Variants in RALGPS2 observed in about 807,000 individuals in gnomAD.
RALGPS2 encodes the protein Ral GEF with PH domain and SH3 binding motif 2.
A neutral mutation model predicts 86.8 loss-of-function variants in RALGPS2; 43 were observed. That is an observed-to-expected ratio of 0.50 (90% CI 0.39 to 0.64). The LOEUF (loss-of-function observed/expected upper bound fraction) is 0.64, where lower values mean the gene tolerates loss of function less well. Ranked by LOEUF, RALGPS2 falls within the 30% of genes least tolerant of loss-of-function variation. RALGPS2 has a pLI of 0.00. For missense variants in RALGPS2, 536 were observed against 694.6 expected (o/e 0.77, Z 2.57); for synonymous variants, 243 against 231.3 (o/e 1.05, Z -0.46).
intron 13 of RALGPS2, among the ~76,000 whole-genome samples, 181 bp downstream of exon 13, chr1:178,886,301 ACTC>A (rs1193540879): frequency 6.6e-6 from 1 of 152,226 alleles, no homozygotes; most frequent in Non-Finnish European, 1.5e-5. Flanking sequence ...GCTGTTTTTA[ACTC>A]CAGAAGGGGA....
At chr1:178,828,269 T>G (rs940801591) in intron 7 of RALGPS2, among the ~76,000 whole-genome samples, 1 of 152,244 alleles carries the variant, frequency 6.6e-6, no homozygotes, top group Non-Finnish European at 1.5e-5. Context: ...GAGAAATGTG[T>G]TGTTTGGTGA....
At chr1:178,902,585 A>C (rs1284981988) in intron 18 of RALGPS2, among the ~76,000 whole-genome samples, 1 of 152,106 alleles carries the variant, frequency 6.6e-6, no homozygotes, top group Non-Finnish European at 1.5e-5. Context: ...CTTGCCATAT[A>C]GGCCATACTG....
Position 178,885,741 on chromosome 1 carries a change from C to T in RALGPS2, c.1041-228C>T, listed in dbSNP as rs745975834. 5.5e-5 allele frequency: 18 copies of T among 328,278 alleles called. No homozygotes were observed. In the South Asian group the frequency reaches 6.9e-4, roughly 13 times the overall value. 20.3% of individuals were successfully genotyped at this position (328,278 alleles called of 1,614,324 possible). Reference sequence around the variant, plus strand: ...GTGAATGTGGAAACAATTTTTTAAACGGACACGAGGCTTAAAATGAAATTA... The same window carrying T: ...GTGAATGTGGAAACAATTTTTTAAATGGACACGAGGCTTAAAATGAAATTA... On this transcript the variant is annotated intron_variant, in intron 12 of 19. Transcript: ENST00000367635.
chr1:178,787,949 A>G (rs955781039), intron 4 of RALGPS2, among the ~76,000 whole-genome samples: 3 of 152,176 alleles, frequency 2.0e-5, no homozygotes, highest in African/African-American at 7.2e-5. Flanking sequence ...TGCTTAAAAC[A>G]CTTCATTGGC....
chr1:178,860,264 T>TTATTA (rs528628974), intron 8 of RALGPS2, among the ~76,000 whole-genome samples: 3,261 of 152,262 alleles, frequency 0.021, 39 homozygotes, highest in Middle Eastern at 0.041. Flanking sequence ...TTGCAGCTTG[T>TTATTA]CAGGTGTATT....
At position 178,856,202 on chromosome 1, in the gene RALGPS2, G is replaced by GAGAGATATATATATAT. The variant is rs1428022812; in HGVS notation, c.608-21295_608-21294insGAGATATATATATATA. Among the ~76,000 whole-genome samples the GAGAGATATATATATAT allele has an allele frequency of 1.1e-3, 91 of 83,868 alleles. 1 individual carries two copies. Among genetic ancestry groups the GAGAGATATATATATAT allele is most frequent in the Middle Eastern group, 5.7e-3 (1 of 174 alleles). The allele number at this position is 83,868 out of a possible 152,430, so 55.0% of individuals were successfully genotyped here. ...ACCTGTACTTTTCCAGAGAGAGAGA[G>GAGAGATATATATATAT]ATATATATATATATATATATATATA... On this transcript the variant is annotated intron_variant, in intron 8 of 19. Coordinates refer to ENST00000367635, the MANE Select transcript of RALGPS2 (RefSeq NM_152663.5).
chr1:178,759,886 T>C (rs1328715818), intron 1 of RALGPS2, among the ~76,000 whole-genome samples: 1 of 152,332 alleles, frequency 6.6e-6, no homozygotes, highest in African/African-American at 2.4e-5. Flanking sequence ...TTTTTCAGAT[T>C]GTTCACTGTT....
At position 178,752,317 on chromosome 1, in the gene RALGPS2, A is replaced by ATT. The variant is rs562112755; in HGVS notation, c.-83-24353_-83-24352dup. 5.0e-3 allele frequency among the ~76,000 whole-genome samples: 691 copies of ATT among 137,190 alleles called. 6 individuals are homozygous for ATT. Among genetic ancestry groups the ATT allele is most frequent in the African/African-American group, 0.018 (598 of 33,016 alleles). 90.0% of individuals were successfully genotyped at this position (137,190 alleles called of 152,430 possible). A position where few individuals can be genotyped will look rare whatever the true frequency, so the allele number is the denominator to read the frequency against. On this transcript the variant is annotated intron_variant, in intron 1 of 19. Coordinates refer to ENST00000367635, the MANE Select transcript of RALGPS2 (RefSeq NM_152663.5). ...AACCACCATGCCCAGCTAATTTTTA[A>ATT]TTTTTTTTTTTTTGTAGAGATTGGT... is the stretch of plus-strand genomic sequence containing the variant.
chr1:178,792,502 C>G (rs1654002796), intron 4 of RALGPS2, among the ~76,000 whole-genome samples: 1 of 152,154 alleles, frequency 6.6e-6, no homozygotes, highest in Non-Finnish European at 1.5e-5. Flanking sequence ...AGCTCATTGG[C>G]TCTAGAAATA....
intron 6 of RALGPS2, among the ~76,000 whole-genome samples, chr1:178,813,452 C>T (rs1254432120): frequency 6.6e-6 from 1 of 152,148 alleles, no homozygotes; most frequent in African/African-American, 2.4e-5. Flanking sequence ...GCTCTAAACT[C>T]ATAATTGTTT....
intron 4 of RALGPS2, among the ~76,000 whole-genome samples, chr1:178,788,972 T>C (rs895535613): frequency 6.6e-6 from 1 of 151,572 alleles, no homozygotes; most frequent in Non-Finnish European, 1.5e-5. Flanking sequence ...AGTGGTGTGA[T>C]CTCAACTTAC....
At chr1:178,870,302 A>C (rs982886384) in intron 8 of RALGPS2, among the ~76,000 whole-genome samples, 1 of 152,198 alleles carries the variant, frequency 6.6e-6, no homozygotes, top group Non-Finnish European at 1.5e-5. Flanking sequence ...GAAATCCAAC[A>C]GTTTATGTAT....
At chr1:178,783,354 A>G (rs1293089162) in intron 2 of RALGPS2, among the ~76,000 whole-genome samples, 1 of 152,208 alleles carries the variant, frequency 6.6e-6, no homozygotes, top group African/African-American at 2.4e-5. Context: ...AAAAATCCAG[A>G]ATAGCCCAGG....
chr1:178,893,709 C>G (rs1288983918), intron 15 of RALGPS2: 2 of 394,702 alleles, frequency 5.1e-6, no homozygotes, highest in Non-Finnish European at 9.0e-6. Flanking sequence ...TGTTTTTTAA[C>G]CATCTGCTGA....
At chr1:178,856,851 A>G (rs1657620322) in intron 8 of RALGPS2, among the ~76,000 whole-genome samples, 1 of 152,200 alleles carries the variant, frequency 6.6e-6, no homozygotes, top group African/African-American at 2.4e-5. Flanking sequence ...ATGTTCTGCA[A>G]ATTCATGCGT....
chr1:178,780,898 C>T (rs371843848), intron 2 of RALGPS2, among the ~76,000 whole-genome samples: 1 of 151,808 alleles, frequency 6.6e-6, no homozygotes, highest in Non-Finnish European at 1.5e-5. Flanking sequence ...TAATTTTCTC[C>T]GTAAATGTAT....
intron 4 of RALGPS2, among the ~76,000 whole-genome samples, chr1:178,786,425 G>T (rs1053735204): frequency 2.0e-5 from 3 of 151,928 alleles, no homozygotes; most frequent in African/African-American, 7.2e-5. Context: ...ATTTTGGAGA[G>T]GAGAGAAAGG....
chr1:178,822,890 G>T (rs1202295512), intron 7 of RALGPS2, among the ~76,000 whole-genome samples: 1 of 152,080 alleles, frequency 6.6e-6, no homozygotes, highest in Non-Finnish European at 1.5e-5. Flanking sequence ...CACGATCATA[G>T]CTTACTGCAG....
rs1658297928 is a variant in RALGPS2, at chr1:178,865,095, G to T, written c.608-12403G>T. The T allele has an allele frequency of 5.1e-6, 8 of 1,563,330 alleles. No homozygotes were observed. In the East Asian group the frequency reaches 1.8e-4, roughly 35 times the overall value. ...CCTCCCAGCAGACCAGGAGTATACT[G>T]TTGGCTGTTAGGAATATGTTGTGGC... On this transcript the variant is annotated intron_variant, in intron 8 of 19. Coordinates refer to ENST00000367635, the MANE Select transcript of RALGPS2 (RefSeq NM_152663.5).
Sources: gnomAD v4.1 joint callset for allele counts (sites outside exome capture counted in the v4.1 genomes callset) on GRCh38, gnomAD v4.1.1 for gene constraint, MANE v1.5 for transcripts, NCBI Gene and HGNC (gene_info 2026-07-23, HGNC 2026-07-21) for gene names.